POT1: variants seen among roughly 807,000 people sequenced by gnomAD.
POT1 encodes protection of telomeres protein 1.
In POT1, 47 loss-of-function variants were observed where a neutral mutation model predicts 78.5. That is an observed-to-expected ratio of 0.60 (90% CI 0.47 to 0.76). POT1 has a LOEUF of 0.76. Ranked by LOEUF, POT1 falls within the 30% of genes least tolerant of loss-of-function variation. The pLI is 0.00. For synonymous variants in POT1, 259 were observed against 260.7 expected, an observed-to-expected ratio of 0.99 and a Z score of 0.06; for missense variants, 646 against 749.9, an observed-to-expected ratio of 0.86 and a Z score of 1.62.
chr7:124,850,718 C>G (rs1795284951), intron 11 of POT1, among the ~76,000 whole-genome samples: 1 of 150,948 alleles, frequency 6.6e-6, no homozygotes, highest in Admixed American at 6.6e-5. Context: ...GGAGACAGAG[C>G]AAGACTCTGT....
chr7:124,829,030 T>C (rs1794697256), intron 16 of POT1: 7 of 730,790 alleles, frequency 9.6e-6, no homozygotes, highest in Non-Finnish European at 1.3e-5. Context: ...AACAAAATAG[T>C]AAGGCATAGG....
chr7:124,835,256 CAA>C (rs775231728), intron 15 of POT1, 21 bp downstream of exon 15: 8 of 1,610,914 alleles, frequency 5.0e-6, no homozygotes, highest in Admixed American at 3.3e-5. Context: ...CAAAACAAAA[CAA>C]AACAAAACAA....
chr7:124,852,425 C>T (rs1178048096), intron 10 of POT1, among the ~76,000 whole-genome samples: 1 of 151,844 alleles, frequency 6.6e-6, no homozygotes. Context: ...GAATATTGAC[C>T]AAAATGCTTC....
Position 124,897,219 on chromosome 7 carries a change from G to GA in POT1, c.-39-8dup, listed in dbSNP as rs1310652008. The GA allele has an allele frequency of 5.3e-6, 7 of 1,329,994 alleles. No individual in the cohort carries two copies. The highest frequency in any genetic ancestry group is 2.2e-5 in the Admixed American group (1 of 46,368). 82.4% of individuals were successfully genotyped at this position (1,329,994 alleles called of 1,614,324 possible). The stretch of plus-strand genomic sequence containing the variant: ...TTAAAGATTTGACATAAACCTGAAG[G>GA]AAAAAAAGAAAGAACTTATTTGTAT... On this transcript the variant is annotated splice_polypyrimidine_tract_variant and splice_region_variant and intron_variant, in intron 4 of 18. Transcript: ENST00000357628.
rs1796389396 is a variant in POT1 at position 124,892,246 on chromosome 7, C to T, written c.124+20G>A. 7.1e-7 allele frequency: 1 copy of T among 1,413,744 alleles called. No individual in the cohort carries two copies. Among genetic ancestry groups the T allele is most frequent in the African/African-American group, 1.5e-5 (1 of 66,516 alleles). The allele number at this position is 1,413,744 out of a possible 1,614,324, so 87.6% of individuals were successfully genotyped here. A position where few individuals can be genotyped will look rare whatever the true frequency, so the allele number is the denominator to read the frequency against. On this transcript the variant is annotated intron_variant, in intron 6 of 18. Transcript: ENST00000357628. ...TAATGCATTTCCACTCCAAAAAACTCCACCAGTTTTAATACCTACCAGTTC... is the reference window on the plus strand; with the variant it reads ...TAATGCATTTCCACTCCAAAAAACTTCACCAGTTTTAATACCTACCAGTTC...
chr7:124,900,785 G>A, intron 3 of POT1: 1 of 369,352 alleles, frequency 2.7e-6, no homozygotes. Flanking sequence ...TGGAACATCG[G>A]GACACTCCTG....
chr7:124,925,861 GAC>G, intron 2 of POT1, among the ~76,000 whole-genome samples: 1 of 152,210 alleles, frequency 6.6e-6, no homozygotes, highest in Middle Eastern at 3.4e-3. Flanking sequence ...CTGGGGAGAA[GAC>G]ACACTTTTCA....
chr7:124,905,652 A>G (rs1796747207), intron 3 of POT1, among the ~76,000 whole-genome samples: 1 of 152,194 alleles, frequency 6.6e-6, no homozygotes, highest in South Asian at 2.1e-4. Flanking sequence ...TAATTAAACT[A>G]AAGAGCTTCT....
Position 124,835,409 on chromosome 7 carries a change from T to C in POT1, c.1375A>G (p.Thr459Ala). The C allele has an allele frequency of 6.2e-7, 1 of 1,610,752 alleles. No individual in the cohort carries two copies. Among genetic ancestry groups the C allele is most frequent in the Non-Finnish European group, 8.5e-7 (1 of 1,176,988 alleles). The change falls in exon 15 of 19, where the codon ACA (threonine) becomes GCA (alanine). Residue 459 changes from threonine (T) to alanine (A), a missense_variant. Transcript: ENST00000357628. The stretch of plus-strand genomic sequence containing the variant: ...GAGAGTTTGCAAATTTCACTGAGTG[T>C]ACCTCCTGTTAAGAGAATAAATAAA... ...NECLLLIEGG[T>A]LSEICKLSNK... is the part of the protein sequence containing the mutation.
At chr7:124,853,264 T>C (rs1002325371) in intron 9 of POT1, 126 bp from the exon 10 acceptor site, 2 of 679,824 alleles carry the variant, frequency 2.9e-6, no homozygotes, top group Non-Finnish European at 4.9e-6. Context: ...TACTAAAGTA[T>C]CTGCAAAGTA....
chr7:124,922,884 C>T (rs1428033123), intron 2 of POT1, among the ~76,000 whole-genome samples: 1 of 151,560 alleles, frequency 6.6e-6, no homozygotes, highest in Non-Finnish European at 1.5e-5. Flanking sequence ...ACTTAAAATA[C>T]CAAACCATAA....
intron 15 of POT1, among the ~76,000 whole-genome samples, chr7:124,832,564 C>T (rs1051321175): frequency 6.6e-6 from 1 of 152,002 alleles, no homozygotes; most frequent in Non-Finnish European, 1.5e-5. Flanking sequence ...CCTGTAATCC[C>T]AGCACTTTGG....
At chr7:124,881,575 A>G (rs1446330631) in intron 6 of POT1, among the ~76,000 whole-genome samples, 1 of 152,020 alleles carries the variant, frequency 6.6e-6, no homozygotes, top group Non-Finnish European at 1.5e-5. Flanking sequence ...AGGGAACCAC[A>G]CTACTTGTTT....
intron 16 of POT1, 138 bp from the exon 17 acceptor site, chr7:124,827,443 C>T: frequency 2.3e-6 from 1 of 440,386 alleles, no homozygotes; most frequent in Non-Finnish European, 4.0e-6. Flanking sequence ...AAAAACTTGG[C>T]ATTATCTCCA....
chr7:124,890,538 AAG>A (rs1796345589), intron 6 of POT1, among the ~76,000 whole-genome samples: 1 of 151,916 alleles, frequency 6.6e-6, no homozygotes, highest in Admixed American at 6.6e-5. Flanking sequence ...TTGTAAAAGG[AAG>A]AGTCAATTGA....
At chr7:124,852,112 G>A (rs1354177036) in intron 10 of POT1, among the ~76,000 whole-genome samples, 161 bp from the exon 11 acceptor site, 5 of 151,980 alleles carry the variant, frequency 3.3e-5, no homozygotes, top group Non-Finnish European at 5.9e-5. Flanking sequence ...CAGATTTTCC[G>A]GGGGTTCAAA....
At chr7:124,856,445 C>A (rs935532578) in intron 9 of POT1, among the ~76,000 whole-genome samples, 1 of 152,086 alleles carries the variant, frequency 6.6e-6, no homozygotes, top group Non-Finnish European at 1.5e-5. Context: ...CAGTGCCATA[C>A]ATTTTCTTAA....
intron 2 of POT1, among the ~76,000 whole-genome samples, chr7:124,926,805 TA>T (rs1797285641): frequency 6.6e-6 from 1 of 152,200 alleles, no homozygotes; most frequent in Non-Finnish European, 1.5e-5. Context: ...ACCATTATCT[TA>T]AATGAAACAA....
At chr7:124,844,732 C>CAAAAAA (rs33956452) in intron 12 of POT1, among the ~76,000 whole-genome samples, 2 of 62,882 alleles carry the variant, frequency 3.2e-5, no homozygotes, top group Non-Finnish European at 2.9e-5. Flanking sequence ...GACTCCGCCT[C>CAAAAAA]AAAAAAAAAA....
Sources: gnomAD v4.1 joint callset for allele counts (sites outside exome capture counted in the v4.1 genomes callset) on GRCh38, gnomAD v4.1.1 for gene constraint, MANE v1.5 for transcripts, NCBI Gene and HGNC (gene_info 2026-07-23, HGNC 2026-07-21) for gene names.